SLC22A14: variants seen among roughly 807,000 people sequenced by gnomAD.
SLC22A14 encodes the protein organic cation transporter-like 4.
SLC22A14 carries 50 observed loss-of-function variants against 53.9 expected under a neutral mutation model. That is an observed-to-expected ratio of 0.93 (90% CI 0.74 to 1.17). The LOEUF is 1.17. Ranked by LOEUF, SLC22A14 falls within the 50% of genes most tolerant of loss-of-function variation. The pLI is 0.00. For synonymous variants in SLC22A14, 312 were observed against 303.0 expected, an observed-to-expected ratio of 1.03 and a Z score of -0.31; for missense variants, 671 against 734.7, an observed-to-expected ratio of 0.91 and a Z score of 1.00.
intron 1 of SLC22A14, among the ~76,000 whole-genome samples, chr3:38,290,960 C>T (rs908089352): frequency 6.6e-6 from 1 of 152,178 alleles, no homozygotes; most frequent in Non-Finnish European, 1.5e-5. Flanking sequence ...TAATAATCTC[C>T]TAGTGGCTTC....
intron 1 of SLC22A14, among the ~76,000 whole-genome samples, chr3:38,295,749 T>C (rs1278750031): frequency 6.6e-6 from 1 of 151,824 alleles, no homozygotes; most frequent in African/African-American, 2.4e-5. Context: ...TCTCTCTCTC[T>C]CCTCTCTGTC....
chr3:38,313,565 A>T (rs1186530727), intron 7 of SLC22A14, 80 bp downstream of exon 7: 1 of 1,138,342 alleles, frequency 8.8e-7, no homozygotes, highest in African/African-American at 1.5e-5. Context: ...GGGAATGGTC[A>T]GGCTGCAGGG....
chr3:38,313,677 C>CGT lies in SLC22A14; in HGVS notation c.1164-42_1164-41dup, dbSNP rs764626285. The CGT allele has an allele frequency of 4.7e-4, 358 of 762,014 alleles. 9 individuals carry two copies. Among genetic ancestry groups the CGT allele is most frequent in the African/African-American group, 9.0e-4 (48 of 53,458 alleles). The allele number at this position is 762,014 out of a possible 1,614,324, so 47.2% of individuals were successfully genotyped here. A position where few individuals can be genotyped will look rare whatever the true frequency, so the allele number is the denominator to read the frequency against. ...CTGCCTCTGTCTTTATTCCTGGCTC[C>CGT]GTGTGTGTGCGCGCGTGTGCACGCG... On this transcript the variant is annotated intron_variant, in intron 7 of 10. Transcript: ENST00000448498.
intron 5 of SLC22A14, among the ~76,000 whole-genome samples, chr3:38,310,157 C>A (rs919977704): frequency 2.6e-5 from 4 of 152,094 alleles, no homozygotes; most frequent in Non-Finnish European, 4.4e-5. Context: ...GTGGGAGGAG[C>A]GCTTGAGGCT....
At chr3:38,300,135 A>G (rs1287240776) in intron 1 of SLC22A14, among the ~76,000 whole-genome samples, 1 of 152,156 alleles carries the variant, frequency 6.6e-6, no homozygotes, top group Non-Finnish European at 1.5e-5. Context: ...AGAAGCATTC[A>G]TGGGCCTCAA....
chr3:38,307,692 G>T lies in SLC22A14; in HGVS notation c.747G>T (p.Val249=). ...FFRFGISQSV[V]GYAISSISLA... is the part of the protein sequence containing the mutation. ...GCTTTGGCATCTCGCAGTCAGTGGT[G>T]GGCTACGCCATCAGCAGCATTTCTT... The change falls in exon 4 of 11, where the codon GTG becomes GTT. Residue 249 remains valine, a synonymous_variant. Coordinates refer to ENST00000448498, the MANE Select transcript of SLC22A14 (RefSeq NM_001320033.2). The surrounding 1 kb of genome is among the most constrained non-coding windows in gnomAD (Gnocchi z 4.4). 6.2e-7 allele frequency: 1 copy of T among 1,614,192 alleles called. No homozygotes were observed. The highest frequency in any genetic ancestry group is 1.3e-5 in the African/African-American group (1 of 75,052).
rs1171859217 is a variant in SLC22A14, at chr3:38,307,547, C to T, written c.621-19C>T. ...GGGAGATCCCGGCACTTGGTGCAGCCTCCCTTTGACACCTGTAGGATGGGC... is the reference window on the plus strand; with the variant it reads ...GGGAGATCCCGGCACTTGGTGCAGCTTCCCTTTGACACCTGTAGGATGGGC... On this transcript the variant is annotated intron_variant, in intron 3 of 10. Coordinates refer to ENST00000448498, the MANE Select transcript of SLC22A14 (RefSeq NM_001320033.2). This position sits in a 1 kb window ranked among gnomAD's most constrained non-coding sequence, Gnocchi z 4.4. 6 of 1,611,520 alleles carry T rather than the reference C, an allele frequency of 3.7e-6. No homozygotes were observed. The South Asian group carries it at 6.6e-5, about 18-fold the overall frequency.
chr3:38,294,501 A>G (rs981487797), intron 1 of SLC22A14, among the ~76,000 whole-genome samples: 4 of 152,182 alleles, frequency 2.6e-5, no homozygotes, highest in African/African-American at 7.2e-5. Flanking sequence ...ATTGGTCCCA[A>G]TTCTCCAGAA....
Position 38,307,559 on chromosome 3 carries a change from C to G in SLC22A14, c.621-7C>G, listed in dbSNP as rs1224487829. 6.2e-7 allele frequency: 1 copy of G among 1,613,088 alleles called. No homozygotes were observed. The highest frequency in any genetic ancestry group is 2.2e-5 in the East Asian group (1 of 44,890). On this transcript the variant is annotated splice_region_variant and splice_polypyrimidine_tract_variant and intron_variant, in intron 3 of 10. Coordinates refer to ENST00000448498, the MANE Select transcript of SLC22A14 (RefSeq NM_001320033.2). The surrounding 1 kb of genome is among the most constrained non-coding windows in gnomAD (Gnocchi z 4.4). ...CACTTGGTGCAGCCTCCCTTTGACA[C>G]CTGTAGGATGGGCCGCTACCCTGCC... is the stretch of plus-strand genomic sequence containing the variant.
Position 38,307,413 on chromosome 3 carries a change from G to C in SLC22A14, c.620+56G>C. ...GAGCCATCCCAACTCCTCCTCATGG[G>C]CATTCAGGGTTGGAGTGTGTCAGGC... On this transcript the variant is annotated intron_variant, in intron 3 of 10. Transcript: ENST00000448498. The surrounding 1 kb of genome is among the most constrained non-coding windows in gnomAD (Gnocchi z 4.4). 6.5e-7 allele frequency: 1 copy of C among 1,528,656 alleles called. No homozygotes were observed. Among genetic ancestry groups the C allele is most frequent in the Non-Finnish European group, 9.1e-7 (1 of 1,102,434 alleles). 94.7% of individuals were successfully genotyped at this position (1,528,656 alleles called of 1,614,324 possible). A position where few individuals can be genotyped will look rare whatever the true frequency, so the allele number is the denominator to read the frequency against.
intron 7 of SLC22A14, 50 bp from the exon 8 acceptor site, chr3:38,313,677 C>CGTGTGT: frequency 1.0e-5 from 8 of 762,544 alleles, no homozygotes; most frequent in Non-Finnish European, 1.5e-5. Context: ...TTCCTGGCTC[C>CGTGTGT]GTGTGTGTGC....
intron 9 of SLC22A14, 70 bp downstream of exon 9, chr3:38,315,781 G>T: frequency 6.8e-7 from 1 of 1,473,158 alleles, no homozygotes; most frequent in Non-Finnish European, 9.4e-7. Flanking sequence ...GATTAATGCA[G>T]CAACTAAGAC....
intron 1 of SLC22A14, among the ~76,000 whole-genome samples, chr3:38,303,249 A>G (rs1466841881): frequency 1.3e-5 from 2 of 151,894 alleles, no homozygotes; most frequent in Non-Finnish European, 2.9e-5. Flanking sequence ...TCTTAACTTT[A>G]CTACGTTCTT....
At chr3:38,288,312 ACTTT>A (rs1297299393) in intron 1 of SLC22A14, among the ~76,000 whole-genome samples, 3 of 152,184 alleles carry the variant, frequency 2.0e-5, no homozygotes, top group Admixed American at 1.3e-4. Flanking sequence ...TATACACCAC[ACTTT>A]CTTTATCCAT....
intron 1 of SLC22A14, among the ~76,000 whole-genome samples, chr3:38,298,896 T>C (rs1268906946): frequency 6.6e-6 from 1 of 152,228 alleles, no homozygotes; most frequent in African/African-American, 2.4e-5. Flanking sequence ...GACAAAAACC[T>C]AGCTCTTATT....
intron 1 of SLC22A14, among the ~76,000 whole-genome samples, chr3:38,286,904 G>C (rs1397510211): frequency 6.7e-6 from 1 of 149,370 alleles, no homozygotes; most frequent in Admixed American, 6.7e-5. Context: ...GCTAATTTTT[G>C]TATTTTTTTT....
chr3:38,313,961 T>C lies in SLC22A14; in HGVS notation c.1378+20T>C. The C allele has an allele frequency of 1.2e-6, 2 of 1,603,118 alleles. No individual in the cohort carries two copies. The highest frequency in any genetic ancestry group is 1.7e-6 in the Non-Finnish European group (2 of 1,171,224). ...CTGAAGGTACAGCTCATCCTTCCCC[T>C]GTGGCCTGCCCACAGCCTTCCTGCT... On this transcript the variant is annotated intron_variant, in intron 8 of 10. Coordinates refer to ENST00000448498, the MANE Select transcript of SLC22A14 (RefSeq NM_001320033.2).
chr3:38,295,647 G>A (rs1027618554), intron 1 of SLC22A14, among the ~76,000 whole-genome samples: 2 of 151,872 alleles, frequency 1.3e-5, no homozygotes, highest in Non-Finnish European at 2.9e-5. Context: ...GGCACACTGG[G>A]TTTTTTTAAT....
chr3:38,304,065 C>A (rs1704236133), intron 1 of SLC22A14, among the ~76,000 whole-genome samples: 1 of 151,772 alleles, frequency 6.6e-6, no homozygotes, highest in African/African-American at 2.4e-5. Context: ...GTGGCGGGCA[C>A]CTGTAGTCCC....
Sources: gnomAD v4.1 joint callset for allele counts (sites outside exome capture counted in the v4.1 genomes callset) on GRCh38, gnomAD v4.1.1 for gene constraint, Gnocchi (gnomAD v3.1) non-coding constraint, MANE v1.5 for transcripts, NCBI Gene and HGNC (gene_info 2026-07-23, HGNC 2026-07-21) for gene names.